FAM171A1: variants seen among roughly 807,000 people sequenced by gnomAD.
FAM171A1 encodes the protein family with sequence similarity 171 member A1.
A neutral mutation model predicts 74.9 loss-of-function variants in FAM171A1; 23 were observed. The observed-to-expected ratio is 0.31, with a 90% confidence interval of 0.22 to 0.44. FAM171A1 has a LOEUF of 0.44. FAM171A1 is among the 20% of genes least tolerant of loss of function. The probability of loss-of-function intolerance (pLI) is 1.00; values close to 1 mark genes in which losing one functional copy is unlikely to be tolerated. For missense variants in FAM171A1, 1,162 were observed against 1,159.2 expected (o/e 1.00, Z -0.03); for synonymous variants, 527 against 505.7 (o/e 1.04, Z -0.57).
At chr10:15,229,404 C>T (rs966215142) in intron 5 of FAM171A1, among the ~76,000 whole-genome samples, 5 of 151,892 alleles carry the variant, frequency 3.3e-5, no homozygotes, top group Non-Finnish European at 5.9e-5. Context: ...GGCAAACACT[C>T]ATCATCATCA....
chr10:15,323,753 T>C (rs1835516253), intron 1 of FAM171A1, among the ~76,000 whole-genome samples: 1 of 152,092 alleles, frequency 6.6e-6, no homozygotes, highest in South Asian at 2.1e-4. Context: ...TATGTTAGGA[T>C]TTTACTTAAA....
At chr10:15,312,677 T>G (rs7072389) in intron 1 of FAM171A1, among the ~76,000 whole-genome samples, 18,014 of 48,534 alleles carry the variant, frequency 0.37, 1,287 homozygotes, top group South Asian at 0.55. Flanking sequence ...CTGTGTGTTT[T>G]TTTTTTTTTT....
At chr10:15,358,619 T>C (rs1196481393) in intron 1 of FAM171A1, among the ~76,000 whole-genome samples, 1 of 152,316 alleles carries the variant, frequency 6.6e-6, no homozygotes, top group East Asian at 1.9e-4. Context: ...CTATTGGACC[T>C]CCCTAAGAGC....
At chr10:15,301,212 G>A (rs1835223901) in intron 1 of FAM171A1, among the ~76,000 whole-genome samples, 2 of 152,010 alleles carry the variant, frequency 1.3e-5, no homozygotes, top group African/African-American at 2.4e-5. Flanking sequence ...TGGCTCTATC[G>A]CCCAGGCTGG....
At chr10:15,258,813 C>G (rs991205541) in intron 3 of FAM171A1, among the ~76,000 whole-genome samples, 1 of 152,200 alleles carries the variant, frequency 6.6e-6, no homozygotes, top group Non-Finnish European at 1.5e-5. Flanking sequence ...GTTTCCTTTG[C>G]AAGTCCTTCC....
At chr10:15,353,289 A>G (rs1449128819) in intron 1 of FAM171A1, among the ~76,000 whole-genome samples, 1 of 152,244 alleles carries the variant, frequency 6.6e-6, no homozygotes, top group Non-Finnish European at 1.5e-5. Context: ...AAACACCAAT[A>G]GTTTGACGCC....
intron 3 of FAM171A1, among the ~76,000 whole-genome samples, chr10:15,272,172 A>T (rs1834833965): frequency 6.6e-6 from 1 of 152,206 alleles, no homozygotes; most frequent in Non-Finnish European, 1.5e-5. Context: ...ATAGGCTCAA[A>T]ATAAAGGGAT....
intron 5 of FAM171A1, among the ~76,000 whole-genome samples, chr10:15,244,539 A>T (rs1443603394): frequency 2.6e-5 from 4 of 152,188 alleles, no homozygotes; most frequent in Non-Finnish European, 5.9e-5. Context: ...AAGAAAACAA[A>T]AAACCCTAAA....
At chr10:15,280,796 A>G (rs888998538) in intron 2 of FAM171A1, among the ~76,000 whole-genome samples, 3 of 152,218 alleles carry the variant, frequency 2.0e-5, no homozygotes, top group Admixed American at 6.5e-5. Flanking sequence ...CTGCAATACC[A>G]GAAGTGTTAG....
intron 1 of FAM171A1, among the ~76,000 whole-genome samples, chr10:15,328,913 G>A (rs1835591932): frequency 6.6e-6 from 1 of 151,956 alleles, no homozygotes; most frequent in Non-Finnish European, 1.5e-5. Context: ...TGACAGATAT[G>A]TCATCCTGGC....
chr10:15,250,392 T>C lies in FAM171A1; in HGVS notation c.578-1577A>G, dbSNP rs147860195. Reference sequence around the variant, plus strand: ...AAATGTGCCAGCAGCTCAAAGTTGATAGAGAAGCAAAGCCAGGTCTACAAT... The same window carrying C: ...AAATGTGCCAGCAGCTCAAAGTTGACAGAGAAGCAAAGCCAGGTCTACAAT... On this transcript the variant is annotated intron_variant, in intron 4 of 7. Coordinates refer to ENST00000378116, the MANE Select transcript of FAM171A1 (RefSeq NM_001010924.2). Among the ~76,000 whole-genome samples the C allele has an allele frequency of 1.2e-4, 19 of 152,322 alleles. No individual in the cohort carries two copies. The East Asian group carries it at 2.9e-3, about 23-fold the overall frequency.
At position 15,348,122 on chromosome 10, in the gene FAM171A1, C is replaced by T. The variant is rs566690629; in HGVS notation, c.97+22834G>A. On this transcript the variant is annotated intron_variant, in intron 1 of 7. Transcript: ENST00000378116. ...CCTCCCGAGTAGCTGGGATTACAAG[C>T]GCCTGCCACCATTCCCGGCTAATTT... is the stretch of plus-strand genomic sequence containing the variant. Among the ~76,000 whole-genome samples the T allele has an allele frequency of 1.8e-4, 27 of 152,002 alleles. No individual in the cohort carries two copies. In the South Asian group the frequency reaches 3.7e-3, roughly 21 times the overall value.
intron 1 of FAM171A1, among the ~76,000 whole-genome samples, chr10:15,349,409 G>A (rs1174437730): frequency 6.6e-6 from 1 of 152,174 alleles, no homozygotes; most frequent in Non-Finnish European, 1.5e-5. Context: ...TCAGTGAATC[G>A]ATGAATATCA....
At chr10:15,250,304 A>G (rs1834491216) in intron 4 of FAM171A1, among the ~76,000 whole-genome samples, 1 of 152,226 alleles carries the variant, frequency 6.6e-6, no homozygotes, top group Non-Finnish European at 1.5e-5. Context: ...TAAAAAAACA[A>G]CCAACCAACA....
chr10:15,271,935 C>T (rs1834830906), intron 3 of FAM171A1, among the ~76,000 whole-genome samples: 1 of 152,126 alleles, frequency 6.6e-6, no homozygotes, highest in Non-Finnish European at 1.5e-5. Context: ...AAAAACATGC[C>T]AAATTCTAAA....
At chr10:15,352,678 C>T (rs1032591786) in intron 1 of FAM171A1, among the ~76,000 whole-genome samples, 5 of 152,098 alleles carry the variant, frequency 3.3e-5, no homozygotes, top group East Asian at 1.9e-4. Context: ...AAGTACACAA[C>T]GAAAGTCTTT....
intron 3 of FAM171A1, among the ~76,000 whole-genome samples, chr10:15,259,710 T>TA (rs1237401265): frequency 1.3e-5 from 2 of 152,080 alleles, no homozygotes; most frequent in African/African-American, 4.8e-5. Flanking sequence ...TAATTCTAAC[T>TA]CTGTATCCTT....
intron 3 of FAM171A1, among the ~76,000 whole-genome samples, chr10:15,265,375 A>G (rs1834725963): frequency 6.6e-6 from 1 of 151,784 alleles, no homozygotes; most frequent in African/African-American, 2.4e-5. Flanking sequence ...GTACTTTTGG[A>G]GTCCAGGGTA....
chr10:15,233,765 G>T (rs1338395515), intron 5 of FAM171A1, among the ~76,000 whole-genome samples: 1 of 152,064 alleles, frequency 6.6e-6, no homozygotes, highest in Non-Finnish European at 1.5e-5. Flanking sequence ...AGCTGGGCAT[G>T]GTGGCACATG....
Sources: allele counts gnomAD v4.1 joint callset (sites outside exome capture counted in the v4.1 genomes callset), GRCh38; gene constraint gnomAD v4.1.1; transcripts MANE v1.5; gene names NCBI Gene and HGNC (gene_info 2026-07-23, HGNC 2026-07-21).